Variants in TNPO3 observed in about 807,000 individuals in gnomAD.
TNPO3 encodes transportin-3.
In TNPO3, 65 loss-of-function variants were observed where a neutral mutation model predicts 122.8. That is an observed-to-expected ratio of 0.53 (90% CI 0.43 to 0.65). The LOEUF (loss-of-function observed/expected upper bound fraction) is 0.65, where lower values mean the gene tolerates loss of function less well. TNPO3 is among the 30% of genes least tolerant of loss of function. TNPO3 has a pLI of 0.00. For synonymous variants in TNPO3, 372 were observed against 411.2 expected (o/e 0.90, Z 1.15); for missense variants, 850 against 1,136.7 (o/e 0.75, Z 3.63).
At chr7:128,976,044 A>G (rs1319146158) in intron 16 of TNPO3, 109 bp from the exon 17 acceptor site, 1 of 763,030 alleles carries the variant, frequency 1.3e-6, no homozygotes, top group Non-Finnish European at 2.4e-6. Context: ...CTTCTCTTTA[A>G]GGCAACATAG....
rs1801463099 is a variant in TNPO3, at chr7:128,997,555, G to C, written c.1012-20C>G. The C allele has an allele frequency of 6.2e-7, 1 of 1,600,524 alleles. No individual in the cohort carries two copies. Among genetic ancestry groups the C allele is most frequent in the African/African-American group, 1.3e-5 (1 of 74,658 alleles). On this transcript the variant is annotated intron_variant, in intron 7 of 22. Coordinates refer to ENST00000265388, the MANE Select transcript of TNPO3 (RefSeq NM_012470.4). The stretch of plus-strand genomic sequence containing the variant: ...TACTACCTGTTAGGTTAAAAGAGAT[G>C]ATTTATTTGAATGGGAAAGGAATAG...
intron 1 of TNPO3, among the ~76,000 whole-genome samples, chr7:129,049,137 T>C (rs373844457): frequency 6.6e-6 from 1 of 152,168 alleles, no homozygotes. Context: ...AAGAAAGGGT[T>C]GGGAAAGGGT....
chr7:128,998,544 G>A (rs1048280531), intron 7 of TNPO3, among the ~76,000 whole-genome samples: 4 of 151,734 alleles, frequency 2.6e-5, no homozygotes, highest in Non-Finnish European at 5.9e-5. Context: ...TTTCTGTAGC[G>A]ACAGGGTCTT....
intron 4 of TNPO3, among the ~76,000 whole-genome samples, chr7:129,008,354 C>A (rs193079748): frequency 0.015 from 2,347 of 151,568 alleles, 30 homozygotes; most frequent in Non-Finnish European, 0.023. Flanking sequence ...CCTGTCTCTA[C>A]AAAAAAATTA....
intron 1 of TNPO3, among the ~76,000 whole-genome samples, chr7:129,024,651 T>C (rs922056843): frequency 6.6e-5 from 10 of 152,220 alleles, no homozygotes; most frequent in African/African-American, 1.9e-4. Context: ...AGAGTAGAAC[T>C]GAATCATGAC....
chr7:129,003,163 C>T (rs1802175121), intron 5 of TNPO3, among the ~76,000 whole-genome samples: 1 of 150,824 alleles, frequency 6.6e-6, no homozygotes, highest in African/African-American at 2.4e-5. Flanking sequence ...GCGAAGGTTG[C>T]CGTGAGCCGA....
chr7:129,037,877 G>GA (rs963361950), intron 1 of TNPO3, among the ~76,000 whole-genome samples: 6 of 149,978 alleles, frequency 4.0e-5, no homozygotes, highest in South Asian at 2.1e-4. Flanking sequence ...TGAGAGAAGG[G>GA]AAAAAAAAAC....
intron 21 of TNPO3, among the ~76,000 whole-genome samples, chr7:128,960,933 A>T (rs949360513): frequency 6.6e-6 from 1 of 151,796 alleles, no homozygotes; most frequent in Non-Finnish European, 1.5e-5. Context: ...CTAATTTTTT[A>T]AATTTTTAGT....
chr7:129,025,367 A>C, intron 1 of TNPO3, among the ~76,000 whole-genome samples: 1 of 114,562 alleles, frequency 8.7e-6, no homozygotes, highest in Non-Finnish European at 1.9e-5. Context: ...AAAAAAAAAA[A>C]AAAAAAAAAA....
At chr7:129,021,354 C>CA (rs577989041) in intron 1 of TNPO3, among the ~76,000 whole-genome samples, 5,990 of 66,262 alleles carry the variant, frequency 0.09, 156 homozygotes, top group Non-Finnish European at 0.11. Flanking sequence ...GACTCCGTCT[C>CA]AAAAAAAAAA....
intron 18 of TNPO3, among the ~76,000 whole-genome samples, chr7:128,973,521 G>C (rs1480254684): frequency 6.6e-6 from 1 of 151,690 alleles, no homozygotes; most frequent in Non-Finnish European, 1.5e-5. Flanking sequence ...TGGATCACGA[G>C]GTCAGGAGAT....
chr7:128,982,058 A>G (rs1799678587), intron 14 of TNPO3, among the ~76,000 whole-genome samples, 190 bp downstream of exon 14: 1 of 152,164 alleles, frequency 6.6e-6, no homozygotes, highest in South Asian at 2.1e-4. Flanking sequence ...TTTTAACACA[A>G]AGACCTACCA....
At chr7:129,041,206 A>G (rs970293597) in intron 1 of TNPO3, among the ~76,000 whole-genome samples, 2 of 152,138 alleles carry the variant, frequency 1.3e-5, no homozygotes, top group African/African-American at 4.8e-5. Flanking sequence ...GTCTCTAAAA[A>G]AAATTTAAAA....
rs528802415 is a variant in TNPO3, at chr7:128,958,957, T to C, written c.2712-1642A>G. On this transcript the variant is annotated intron_variant, in intron 21 of 22. Transcript: ENST00000265388. ...AGGTTGAGGTTGCAGTGAGCCATGATTGTGCCACTGCACTCCAGGCTGGGC... is the reference window on the plus strand; with the variant it reads ...AGGTTGAGGTTGCAGTGAGCCATGACTGTGCCACTGCACTCCAGGCTGGGC... Among the ~76,000 whole-genome samples, 3 of 152,272 alleles carry C rather than the reference T, an allele frequency of 2.0e-5. No homozygotes were observed. In the South Asian group the frequency reaches 6.2e-4, roughly 32 times the overall value.
At chr7:128,968,597 C>T (rs936763403) in intron 20 of TNPO3, among the ~76,000 whole-genome samples, 1 of 152,100 alleles carries the variant, frequency 6.6e-6, no homozygotes, top group Non-Finnish European at 1.5e-5. Context: ...TCATTTATGG[C>T]CATAATAGGC....
intron 7 of TNPO3, among the ~76,000 whole-genome samples, chr7:128,997,823 G>C (rs1474495387): frequency 6.6e-6 from 1 of 151,928 alleles, no homozygotes; most frequent in Non-Finnish European, 1.5e-5. Context: ...AACAATAACA[G>C]ACATGGAAGT....
rs1029634831 is a variant in TNPO3, at chr7:129,054,991, T to C, written c.-221A>G. On this transcript the variant is annotated 5_prime_UTR_variant, in exon 1 of 23. Transcript: ENST00000265388. ...TTCAGGTTCCTGGCCTTTTTTCCGG[T>C]TTTTCCACTTGATTCTAGACTCTTG... 2.2e-5 allele frequency: 12 copies of C among 557,140 alleles called. No individual in the cohort carries two copies. Among genetic ancestry groups the C allele is most frequent in the Non-Finnish European group, 3.5e-5 (11 of 315,680 alleles). The allele number at this position is 557,140 out of a possible 1,614,324, so 34.5% of individuals were successfully genotyped here.
chr7:129,014,519 A>C (rs1394493458), intron 4 of TNPO3, among the ~76,000 whole-genome samples: 1 of 152,152 alleles, frequency 6.6e-6, no homozygotes, highest in Admixed American at 6.5e-5. Context: ...ACCCTGCTTC[A>C]AAAAATAAAA....
Position 128,992,040 on chromosome 7 carries a change from C to T in TNPO3, c.1317G>A (p.Ala439=), listed in dbSNP as rs761729877. ...EGNPPWEVTE[A]VLFIMAAIAK... Reference sequence around the variant, plus strand: ...CTATAGCAGCCATGATAAAGAGAACCGCTTCTGTCACCTCCCAGGGTGGGT... The same window carrying T: ...CTATAGCAGCCATGATAAAGAGAACTGCTTCTGTCACCTCCCAGGGTGGGT... The change falls in exon 10 of 23, where the codon GCG becomes GCA. Residue 439 remains alanine (A), a synonymous_variant. Transcript: ENST00000265388. The T allele has an allele frequency of 5.6e-6, 9 of 1,611,126 alleles. No homozygotes were observed. Among genetic ancestry groups the T allele is most frequent in the East Asian group, 2.2e-5 (1 of 44,644 alleles).
Sources: allele counts gnomAD v4.1 joint callset (sites outside exome capture counted in the v4.1 genomes callset), GRCh38; gene constraint gnomAD v4.1.1; transcripts MANE v1.5; gene names NCBI Gene and HGNC (gene_info 2026-07-23, HGNC 2026-07-21).